RNGTT: variants seen among roughly 807,000 people sequenced by gnomAD.
RNGTT encodes the protein RNA guanylyltransferase and 5'-phosphatase, also known as mRNA-capping enzyme.
A neutral mutation model predicts 79.3 loss-of-function variants in RNGTT; 33 were observed. The observed-to-expected ratio is 0.42, with a 90% CI of 0.32 to 0.56. RNGTT has a LOEUF of 0.56. Among genes scored for constraint, RNGTT ranks in the 20% least tolerant of loss-of-function variants. RNGTT has a pLI of 0.17. For synonymous variants in RNGTT, 222 were observed against 235.9 expected, an observed-to-expected ratio of 0.94 and a Z score of 0.54; for missense variants, 497 against 739.1, an observed-to-expected ratio of 0.67 and a Z score of 3.80.
chr6:88,656,863 G>GA (rs1362973262), intron 14 of RNGTT, among the ~76,000 whole-genome samples: 2 of 151,864 alleles, frequency 1.3e-5, no homozygotes, highest in Non-Finnish European at 2.9e-5. Flanking sequence ...GCTGAGGCAG[G>GA]AGACTTGCTT....
intron 13 of RNGTT, among the ~76,000 whole-genome samples, chr6:88,718,911 C>T (rs1776614338): frequency 1.3e-5 from 2 of 152,188 alleles, no homozygotes; most frequent in South Asian, 2.1e-4. Context: ...TTAAAATATA[C>T]GTTCACAAAT....
intron 4 of RNGTT, among the ~76,000 whole-genome samples, chr6:88,914,190 G>A (rs192898197): frequency 1.3e-5 from 2 of 152,080 alleles, no homozygotes; most frequent in East Asian, 1.9e-4. Flanking sequence ...AATCAATATC[G>A]TTAAAATGTC....
At chr6:88,912,287 C>T (rs1783851942) in intron 4 of RNGTT, among the ~76,000 whole-genome samples, 1 of 151,952 alleles carries the variant, frequency 6.6e-6, no homozygotes, top group Non-Finnish European at 1.5e-5. Context: ...TGGCATGCAC[C>T]TGTAATCCTA....
chr6:88,843,459 T>C (rs1014895893), intron 11 of RNGTT, among the ~76,000 whole-genome samples: 5 of 149,770 alleles, frequency 3.3e-5, no homozygotes, highest in African/African-American at 1.2e-4. Flanking sequence ...CTCTATACAC[T>C]GACATGGAAA....
chr6:88,643,891 G>A (rs1271859250), intron 14 of RNGTT, among the ~76,000 whole-genome samples: 2 of 152,168 alleles, frequency 1.3e-5, no homozygotes, highest in Non-Finnish European at 2.9e-5. Context: ...ATGCCCACAA[G>A]AGAAAGCAGG....
intron 8 of RNGTT, among the ~76,000 whole-genome samples, chr6:88,874,725 T>G (rs1562296857): frequency 6.6e-6 from 1 of 151,898 alleles, no homozygotes; most frequent in Non-Finnish European, 1.5e-5. Flanking sequence ...CTGAGATGGG[T>G]CAAAGCAAAT....
intron 13 of RNGTT, among the ~76,000 whole-genome samples, chr6:88,690,886 C>T (rs1449455055): frequency 2.0e-5 from 3 of 151,996 alleles, no homozygotes; most frequent in Non-Finnish European, 4.4e-5. Context: ...AGTACATGTG[C>T]ATTATGTTTG....
intron 12 of RNGTT, among the ~76,000 whole-genome samples, chr6:88,799,209 A>T (rs915909178): frequency 7.9e-5 from 12 of 152,180 alleles, no homozygotes; most frequent in Non-Finnish European, 1.6e-4. Context: ...CATTGCAAAC[A>T]CATCAATTTT....
chr6:88,894,489 C>T (rs1456983232), intron 6 of RNGTT, among the ~76,000 whole-genome samples: 4 of 152,300 alleles, frequency 2.6e-5, no homozygotes, highest in Non-Finnish European at 5.9e-5. Context: ...AATAGCTGTA[C>T]CTAACATAAA....
At chr6:88,649,500 A>T (rs1773712972) in intron 14 of RNGTT, among the ~76,000 whole-genome samples, 1 of 152,204 alleles carries the variant, frequency 6.6e-6, no homozygotes, top group Non-Finnish European at 1.5e-5. Flanking sequence ...GATCGAGACC[A>T]GCCTGGCTAA....
At chr6:88,636,310 G>A (rs1773097661) in intron 14 of RNGTT, among the ~76,000 whole-genome samples, 1 of 152,008 alleles carries the variant, frequency 6.6e-6, no homozygotes, top group Non-Finnish European at 1.5e-5. Flanking sequence ...TGTGGTATAA[G>A]GAAGGCTGTT....
intron 1 of RNGTT, among the ~76,000 whole-genome samples, chr6:88,949,159 G>GAAAAAAAAAAAAAAAAAAAAAGAAA: frequency 2.0e-5 from 1 of 50,514 alleles, no homozygotes; most frequent in Non-Finnish European, 3.9e-5. Context: ...AAAATAAAAT[G>GAAAAAAAAAAAAAAAAAAAAAGAAA]AAAAAAAAAA....
chr6:88,681,785 T>C (rs1775103564), intron 13 of RNGTT, among the ~76,000 whole-genome samples: 1 of 152,156 alleles, frequency 6.6e-6, no homozygotes, highest in Non-Finnish European at 1.5e-5. Flanking sequence ...GCCCTTAAGT[T>C]AGGCGAACAT....
intron 14 of RNGTT, among the ~76,000 whole-genome samples, chr6:88,654,836 C>A (rs7770670): frequency 4.6e-5 from 7 of 152,090 alleles, no homozygotes; most frequent in African/African-American, 1.4e-4. Context: ...TGGGTTGAGA[C>A]CAGCATCTAA....
chr6:88,701,922 C>T (rs1752803659), intron 13 of RNGTT, among the ~76,000 whole-genome samples: 1 of 151,926 alleles, frequency 6.6e-6, no homozygotes, highest in African/African-American at 2.4e-5. Flanking sequence ...CAACAATGCT[C>T]GAGATGAGAG....
chr6:88,620,079 G>A (rs1039653021), intron 14 of RNGTT, among the ~76,000 whole-genome samples: 5 of 152,148 alleles, frequency 3.3e-5, no homozygotes, highest in Non-Finnish European at 5.9e-5. Context: ...TTCAAAAAAC[G>A]TTCCTCTGCT....
At chr6:88,801,702 T>A (rs1779789240) in intron 11 of RNGTT, 70 bp from the exon 12 acceptor site, 3 of 1,032,424 alleles carry the variant, frequency 2.9e-6, no homozygotes, top group Non-Finnish European at 4.4e-6. Context: ...AACTTCTTGC[T>A]AAGCTTTATA....
intron 4 of RNGTT, among the ~76,000 whole-genome samples, chr6:88,926,711 G>C (rs1028744580): frequency 6.6e-6 from 1 of 152,196 alleles, no homozygotes; most frequent in Admixed American, 6.5e-5. Flanking sequence ...CTGGCTGTGT[G>C]AGTGACCCTT....
At chr6:88,636,106 C>G (rs1773090486) in intron 14 of RNGTT, among the ~76,000 whole-genome samples, 1 of 152,022 alleles carries the variant, frequency 6.6e-6, no homozygotes, top group African/African-American at 2.4e-5. Context: ...AGAAAGAAAC[C>G]AACTACAATT....
Sources: gnomAD v4.1 joint callset for allele counts (sites outside exome capture counted in the v4.1 genomes callset) on GRCh38, gnomAD v4.1.1 for gene constraint, MANE v1.5 for transcripts, NCBI Gene and HGNC (gene_info 2026-07-23, HGNC 2026-07-21) for gene names.